TBC1D19: variants seen among roughly 807,000 people sequenced by gnomAD.
The protein encoded by TBC1D19 is TBC1 domain family, member 19.
Under a neutral mutation model 89.0 loss-of-function variants are expected in TBC1D19, and 60 were observed. The observed-to-expected ratio is 0.67, with a 90% CI of 0.55 to 0.84. TBC1D19 has a LOEUF of 0.84. Ranked by LOEUF, TBC1D19 falls within the 40% of genes least tolerant of loss-of-function variation. The pLI, the probability that TBC1D19 is intolerant of heterozygous loss-of-function variation, is 0.00. For synonymous variants in TBC1D19, 189 were observed against 199.7 expected (o/e 0.95, Z 0.45); for missense variants, 500 against 610.8 (o/e 0.82, Z 1.91).
At chr4:26,786,753 C>CTGGATGGATGGATGGA in the TBC1D19 span, among the ~76,000 whole-genome samples, 1 of 85,682 alleles carries the variant, frequency 1.2e-5, no homozygotes, top group African/African-American at 3.6e-5. Flanking sequence ...GGGTGGATGC[C>CTGGATGGATGGATGGA]TGGATGGATG....
chr4:26,821,219 C>G, the TBC1D19 span, among the ~76,000 whole-genome samples: 7 of 152,202 alleles, frequency 4.6e-5, no homozygotes, highest in Non-Finnish European at 1.0e-4. Flanking sequence ...AAATGCTCCT[C>G]CCTTCCCCAT....
the TBC1D19 span, among the ~76,000 whole-genome samples, chr4:26,800,456 CA>C: frequency 6.6e-6 from 1 of 152,158 alleles, no homozygotes; most frequent in African/African-American, 2.4e-5. Flanking sequence ...AATAGTGCCG[CA>C]ATAAACATAC....
the TBC1D19 span, among the ~76,000 whole-genome samples, chr4:26,822,133 C>T: frequency 6.6e-6 from 1 of 152,180 alleles, no homozygotes; most frequent in East Asian, 1.9e-4. Flanking sequence ...GATTTTTTAC[C>T]CCTGTCTTAA....
the TBC1D19 span, among the ~76,000 whole-genome samples, chr4:26,845,376 T>C: frequency 4.9e-4 from 74 of 152,294 alleles, 1 homozygote; most frequent in South Asian, 0.014. Context: ...TGGTAAAATA[T>C]AAAATAAATA....
the TBC1D19 span, among the ~76,000 whole-genome samples, chr4:26,836,033 T>A: frequency 6.6e-6 from 1 of 152,040 alleles, no homozygotes; most frequent in Admixed American, 6.5e-5. Flanking sequence ...TGGACATGAT[T>A]TTGTTTCTAT....
chr4:26,841,358 C>T, the TBC1D19 span, among the ~76,000 whole-genome samples: 1 of 148,016 alleles, frequency 6.8e-6, no homozygotes, highest in African/African-American at 2.5e-5. Context: ...TGCACTCCAG[C>T]CTGGGTGACA....
intron 7 of TBC1D19, among the ~76,000 whole-genome samples, chr4:26,650,068 TTCCATGG>T (rs1216600981): frequency 1.3e-5 from 2 of 152,190 alleles, no homozygotes; most frequent in African/African-American, 4.8e-5. Context: ...CTGCATAGTA[TTCCATGG>T]TGTATATGTG....
intron 16 of TBC1D19, among the ~76,000 whole-genome samples, chr4:26,739,302 T>C (rs1718215115): frequency 6.6e-6 from 1 of 152,180 alleles, no homozygotes; most frequent in Middle Eastern, 3.2e-3. Context: ...TTGTTTTCAG[T>C]TGATGAATAT....
the TBC1D19 span, among the ~76,000 whole-genome samples, chr4:26,785,348 C>A: frequency 6.6e-6 from 1 of 152,138 alleles, no homozygotes; most frequent in African/African-American, 2.4e-5. Context: ...CTGAAATATG[C>A]AAAGGACTTC....
the TBC1D19 span, among the ~76,000 whole-genome samples, chr4:26,817,981 A>AATATATATATATATATATATATATAT: frequency 1.6e-5 from 2 of 126,050 alleles, no homozygotes; most frequent in African/African-American, 7.4e-5. Flanking sequence ...AAAAAAAAAA[A>AATATATATATATATATATATATATAT]ATATATATAT....
At chr4:26,850,860 G>T in the TBC1D19 span, among the ~76,000 whole-genome samples, 1 of 152,162 alleles carries the variant, frequency 6.6e-6, no homozygotes, top group African/African-American at 2.4e-5. Flanking sequence ...AGCTGGCAAG[G>T]CATTGTTTCT....
At chr4:26,594,860 A>T (rs900870535) in intron 1 of TBC1D19, among the ~76,000 whole-genome samples, 1 of 152,180 alleles carries the variant, frequency 6.6e-6, no homozygotes, top group Admixed American at 6.5e-5. Context: ...AAAGAGTGAG[A>T]CTCCGTCTCA....
rs989982800 is a variant in TBC1D19, at chr4:26,700,543, A to C, written c.954+12136A>C. Among the ~76,000 whole-genome samples the C allele has an allele frequency of 1.1e-4, 16 of 151,600 alleles. No homozygotes were observed. The South Asian group carries it at 2.7e-3, about 26-fold the overall frequency. ...GTCTTTATGTAGATATCAGAGGTAC[A>C]AAAAAAAAGTTTGTATGATTTGCCA... On this transcript the variant is annotated intron_variant, in intron 13 of 20. Coordinates refer to ENST00000264866, the MANE Select transcript of TBC1D19 (RefSeq NM_018317.4).
the TBC1D19 span, among the ~76,000 whole-genome samples, chr4:26,837,254 C>G: frequency 7.2e-5 from 11 of 152,252 alleles, no homozygotes; most frequent in African/African-American, 2.6e-4. Context: ...AATAGAGATT[C>G]ACTGAGGCCT....
At chr4:26,784,005 C>T in the TBC1D19 span, among the ~76,000 whole-genome samples, 1 of 152,144 alleles carries the variant, frequency 6.6e-6, no homozygotes, top group Admixed American at 6.5e-5. Context: ...TGTTGGTCAC[C>T]AGGGAACCAG....
At chr4:26,616,613 A>G (rs567646423) in intron 3 of TBC1D19, among the ~76,000 whole-genome samples, 46 of 152,338 alleles carry the variant, frequency 3.0e-4, no homozygotes, top group African/African-American at 1.0e-3. Context: ...CTTATGCCTA[A>G]TAGAGGTATA....
intron 7 of TBC1D19, among the ~76,000 whole-genome samples, chr4:26,648,607 A>G (rs1282438116): frequency 6.6e-6 from 1 of 152,222 alleles, no homozygotes; most frequent in Non-Finnish European, 1.5e-5. Flanking sequence ...CAATGAATGA[A>G]GGTTTCACAT....
At chr4:26,636,668 A>C (rs1743152489) in intron 4 of TBC1D19, among the ~76,000 whole-genome samples, 1 of 152,044 alleles carries the variant, frequency 6.6e-6, no homozygotes, top group Non-Finnish European at 1.5e-5. Context: ...TAAGTATGAC[A>C]TCATGAAATA....
At chr4:26,708,980 ATT>A (rs1224648438) in intron 13 of TBC1D19, among the ~76,000 whole-genome samples, 4 of 141,412 alleles carry the variant, frequency 2.8e-5, no homozygotes, top group African/African-American at 5.1e-5. Context: ...ACAGTTGTCA[ATT>A]TTTTTTTTTT....
Sources: allele counts gnomAD v4.1 joint callset (sites outside exome capture counted in the v4.1 genomes callset), GRCh38; gene constraint gnomAD v4.1.1; transcripts MANE v1.5; gene names NCBI Gene and HGNC (gene_info 2026-07-23, HGNC 2026-07-21).